The following AGMO variants were observed in gnomAD, a reference collection of about 807,000 sequenced individuals.
The protein encoded by AGMO is glyceryl-ether monooxygenase.
AGMO carries 75 observed loss-of-function variants against 60.2 expected under a neutral mutation model. That is an observed-to-expected ratio of 1.25 (90% CI 1.03 to 1.51). AGMO has a LOEUF of 1.51. Ranked by LOEUF, AGMO falls within the 40% of genes most tolerant of loss-of-function variation. The pLI is 0.00. For missense variants in AGMO, 763 were observed against 525.5 expected (o/e 1.45, Z -4.42); for synonymous variants, 261 against 177.1 (o/e 1.47, Z -3.76).
intron 3 of AGMO, among the ~76,000 whole-genome samples, chr7:15,491,730 A>G (rs1021323253): frequency 3.3e-5 from 5 of 152,194 alleles, no homozygotes; most frequent in African/African-American, 1.2e-4. Flanking sequence ...ATTTGTGAGG[A>G]CTGAGGACCT....
At chr7:15,380,627 T>A (rs920414073) in intron 10 of AGMO, among the ~76,000 whole-genome samples, 1 of 151,966 alleles carries the variant, frequency 6.6e-6, no homozygotes, top group Non-Finnish European at 1.5e-5. Context: ...TATTAAACAT[T>A]CCTCACAGAA....
chr7:15,419,619 T>G (rs933820234), intron 4 of AGMO, among the ~76,000 whole-genome samples: 1 of 152,098 alleles, frequency 6.6e-6, no homozygotes, highest in Non-Finnish European at 1.5e-5. Flanking sequence ...AAAACTCGTC[T>G]AGTTCTTGTT....
At chr7:15,242,326 T>A (rs935496477) in intron 12 of AGMO, among the ~76,000 whole-genome samples, 1 of 152,196 alleles carries the variant, frequency 6.6e-6, no homozygotes. Context: ...AATGGATGGA[T>A]CTTCCAGATA....
the AGMO span, among the ~76,000 whole-genome samples, chr7:15,166,483 C>T: frequency 2.6e-5 from 4 of 152,136 alleles, no homozygotes; most frequent in African/African-American, 9.7e-5. Flanking sequence ...TCCCTTTGGA[C>T]AGTGTAAGAA....
At chr7:15,504,869 C>T (rs975480576) in intron 3 of AGMO, among the ~76,000 whole-genome samples, 28 of 151,514 alleles carry the variant, frequency 1.8e-4, no homozygotes, top group Non-Finnish European at 4.4e-5. Context: ...AATCATTTCT[C>T]AATATTCCCT....
the AGMO span, among the ~76,000 whole-genome samples, chr7:15,187,448 A>G: frequency 3.3e-5 from 5 of 152,206 alleles, no homozygotes; most frequent in Non-Finnish European, 7.3e-5. Context: ...CTTGGATGAC[A>G]TCTTGGGCAG....
At chr7:15,260,934 T>C (rs901155675) in intron 12 of AGMO, among the ~76,000 whole-genome samples, 2 of 152,012 alleles carry the variant, frequency 1.3e-5, no homozygotes, top group African/African-American at 4.8e-5. Context: ...AACAATGAAA[T>C]CAAGATGGAA....
At chr7:15,377,106 GA>G (rs1184781066) in intron 10 of AGMO, among the ~76,000 whole-genome samples, 1 of 151,980 alleles carries the variant, frequency 6.6e-6, no homozygotes, top group Admixed American at 6.6e-5. Flanking sequence ...AGTGAATCTG[GA>G]AAAAAATATT....
intron 12 of AGMO, among the ~76,000 whole-genome samples, chr7:15,248,855 G>A (rs1186648299): frequency 6.6e-6 from 1 of 152,132 alleles, no homozygotes; most frequent in Non-Finnish European, 1.5e-5. Context: ...GATAATCCTT[G>A]TTTCTACAAC....
chr7:15,466,653 G>A (rs911179841), intron 3 of AGMO, among the ~76,000 whole-genome samples: 1 of 152,124 alleles, frequency 6.6e-6, no homozygotes, highest in Admixed American at 6.6e-5. Context: ...GGGTGACATT[G>A]AATTCTCTGT....
intron 3 of AGMO, among the ~76,000 whole-genome samples, chr7:15,466,132 G>C (rs1782278990): frequency 6.6e-6 from 1 of 152,052 alleles, no homozygotes; most frequent in African/African-American, 2.4e-5. Flanking sequence ...ATTGTTGCTG[G>C]TACAATGGTG....
rs193095459 is a variant in AGMO at position 15,516,991 on chromosome 7, C to T, written c.409+27781G>A. On this transcript the variant is annotated intron_variant, in intron 3 of 12. Coordinates refer to ENST00000342526, the MANE Select transcript of AGMO (RefSeq NM_001004320.2). ...TAACACAAGAGTCTTTTTTTTTTGA[C>T]AAACTAAATACAATTTGAATGCAGG... Among the ~76,000 whole-genome samples the T allele has an allele frequency of 5.3e-5, 8 of 150,656 alleles. No individual in the cohort carries two copies. The East Asian group carries it at 1.6e-3, about 29-fold the overall frequency.
At chr7:15,472,851 T>C (rs1782486002) in intron 3 of AGMO, among the ~76,000 whole-genome samples, 1 of 151,878 alleles carries the variant, frequency 6.6e-6, no homozygotes, top group Non-Finnish European at 1.5e-5. Context: ...TTCAATGTGA[T>C]GGAGTAGCCC....
chr7:15,345,247 G>C (rs1402090992), intron 12 of AGMO, among the ~76,000 whole-genome samples: 5 of 152,064 alleles, frequency 3.3e-5, no homozygotes, highest in African/African-American at 9.7e-5. Context: ...AATTTTTCTA[G>C]TTTTTTTCTC....
At chr7:15,364,660 G>A (rs192603134) in intron 12 of AGMO, among the ~76,000 whole-genome samples, 85 of 152,056 alleles carry the variant, frequency 5.6e-4, no homozygotes, top group African/African-American at 1.6e-3. Flanking sequence ...CCGGGTTAAC[G>A]GGTATGTGTA....
intron 2 of AGMO, among the ~76,000 whole-genome samples, chr7:15,556,710 C>T (rs889328902): frequency 8.5e-5 from 13 of 152,106 alleles, no homozygotes; most frequent in East Asian, 3.9e-4. Context: ...GTTTTAGATA[C>T]GTTTGCTTAA....
intron 12 of AGMO, among the ~76,000 whole-genome samples, chr7:15,347,976 CTAAA>C (rs2128552586): frequency 6.6e-6 from 1 of 152,152 alleles, no homozygotes; most frequent in South Asian, 2.1e-4. Context: ...TTTACTCTTA[CTAAA>C]TATAGTTTAC....
rs529572745 is a variant in AGMO at position 15,253,923 on chromosome 7, T to C, written c.1264-52564A>G. 2.6e-5 allele frequency among the ~76,000 whole-genome samples: 4 copies of C among 152,194 alleles called. No individual in the cohort carries two copies. In the South Asian group the frequency reaches 8.3e-4, roughly 32 times the overall value. On this transcript the variant is annotated intron_variant, in intron 12 of 12. Transcript: ENST00000342526. ...TTTTTATGAGATCAATATTTTCAAC[T>C]CCATGTAAGAGTAAGATTGTGTAGT...
intron 3 of AGMO, among the ~76,000 whole-genome samples, chr7:15,510,202 G>T (rs1186445922): frequency 6.6e-6 from 1 of 152,060 alleles, no homozygotes; most frequent in African/African-American, 2.4e-5. Flanking sequence ...GTCTCACTCT[G>T]TCTCTCAGGC....
Sources: allele counts gnomAD v4.1 joint callset (sites outside exome capture counted in the v4.1 genomes callset), GRCh38; gene constraint gnomAD v4.1.1; transcripts MANE v1.5; gene names NCBI Gene and HGNC (gene_info 2026-07-23, HGNC 2026-07-21).